The following ATRNL1 variants were observed in gnomAD, a reference collection of about 807,000 sequenced individuals.
ATRNL1 encodes the protein attractin-like protein 1.
A neutral mutation model predicts 182.7 loss-of-function variants in ATRNL1; 95 were observed. The observed-to-expected ratio is 0.52, with a 90% CI of 0.44 to 0.62. The LOEUF is 0.62. Ranked by LOEUF, ATRNL1 falls within the 20% of genes least tolerant of loss-of-function variation. The pLI is 0.00. For missense variants in ATRNL1, 1,471 were observed against 1,679.5 expected, an observed-to-expected ratio of 0.88 and a Z score of 2.17; for synonymous variants, 576 against 568.3, an observed-to-expected ratio of 1.01 and a Z score of -0.19.
intron 26 of ATRNL1, among the ~76,000 whole-genome samples, chr10:115,595,817 A>C (rs1413383890): frequency 3.3e-5 from 5 of 152,186 alleles, no homozygotes; most frequent in Non-Finnish European, 7.3e-5. Flanking sequence ...ATTATAATGA[A>C]GCATTAGCGA....
intron 24 of ATRNL1, among the ~76,000 whole-genome samples, chr10:115,479,788 TA>T (rs369771422): frequency 6.6e-6 from 1 of 151,296 alleles, no homozygotes; most frequent in African/African-American, 2.4e-5. Flanking sequence ...ATCTTGATAA[TA>T]AAAAATAGAA....
intron 28 of ATRNL1, 151 bp from the exon 29 acceptor site, chr10:115,944,507 G>C (rs1953826679): frequency 1.9e-6 from 1 of 537,500 alleles, no homozygotes; most frequent in Non-Finnish European, 3.1e-6. Flanking sequence ...AAACATTTTA[G>C]GTAAAGGGCA....
At chr10:115,460,923 C>G (rs1367784962) in intron 21 of ATRNL1, among the ~76,000 whole-genome samples, 3 of 152,040 alleles carry the variant, frequency 2.0e-5, no homozygotes, top group Non-Finnish European at 4.4e-5. Context: ...AAAATTGGAA[C>G]TATGACCTAC....
intron 25 of ATRNL1, among the ~76,000 whole-genome samples, chr10:115,531,521 G>T (rs1189916365): frequency 2.5e-4 from 38 of 151,410 alleles, no homozygotes; most frequent in Non-Finnish European, 3.7e-4. Context: ...GTAGATTCTG[G>T]ATATTAGTCC....
At chr10:115,540,753 G>A (rs1307708209) in intron 25 of ATRNL1, among the ~76,000 whole-genome samples, 10 of 88,862 alleles carry the variant, frequency 1.1e-4, no homozygotes, top group South Asian at 3.6e-4. Flanking sequence ...GCAAAACTCC[G>A]TCTAAAAAAA....
chr10:115,209,325 T>C (rs1848927809), intron 8 of ATRNL1, among the ~76,000 whole-genome samples: 1 of 151,330 alleles, frequency 6.6e-6, no homozygotes. Context: ...GAGCCTACAC[T>C]TGTTTCTGTT....
At position 115,217,982 on chromosome 10, in the gene ATRNL1, G is replaced by T. The variant is rs1277197322; in HGVS notation, c.1532+2102G>T. ...GTGGTCCCCAACCTTTTTGGCACCA[G>T]GGACTGGTTTTGTGGAGACAGTTTT... On this transcript the variant is annotated intron_variant, in intron 9 of 28. Coordinates refer to ENST00000355044, the MANE Select transcript of ATRNL1 (RefSeq NM_207303.4). Among the ~76,000 whole-genome samples, 3 of 152,164 alleles carry T rather than the reference G, an allele frequency of 2.0e-5. No homozygotes were observed. The East Asian group carries it at 5.8e-4, about 29-fold the overall frequency.
At position 115,745,130 on chromosome 10, in the gene ATRNL1, A is replaced by AT. The variant is rs564499651; in HGVS notation, c.3903+17775_3903+17776insT. ...TTTCCCAGAACATCATGAAAATGGA[A>AT]CTTTTTTTTTTTGTGACCGAGTCTC... On this transcript the variant is annotated intron_variant, in intron 27 of 28. Transcript: ENST00000355044. Among the ~76,000 whole-genome samples, 436 of 151,026 alleles carry AT rather than the reference A, an allele frequency of 2.9e-3. 2 individuals carry two copies. The highest frequency in any genetic ancestry group is 9.9e-3 in the African/African-American group (409 of 41,286).
chr10:115,547,689 A>G (rs1852747119), intron 25 of ATRNL1, among the ~76,000 whole-genome samples: 1 of 152,192 alleles, frequency 6.6e-6, no homozygotes, highest in African/African-American at 2.4e-5. Flanking sequence ...TATTAAGGAA[A>G]ACAAAACAAA....
chr10:115,446,361 A>G (rs578194856), intron 21 of ATRNL1, among the ~76,000 whole-genome samples: 1 of 151,972 alleles, frequency 6.6e-6, no homozygotes, highest in Admixed American at 6.6e-5. Flanking sequence ...CCATTACATT[A>G]TTACTTTTTT....
At chr10:115,503,327 A>T (rs1217662785) in intron 24 of ATRNL1, among the ~76,000 whole-genome samples, 1 of 152,162 alleles carries the variant, frequency 6.6e-6, no homozygotes, top group Non-Finnish European at 1.5e-5. Flanking sequence ...CAATATTATG[A>T]TGGAAGAAAA....
At chr10:115,502,906 C>G (rs1021694525) in intron 24 of ATRNL1, among the ~76,000 whole-genome samples, 7 of 152,010 alleles carry the variant, frequency 4.6e-5, no homozygotes, top group Non-Finnish European at 8.8e-5. Context: ...AAAAAAAGGC[C>G]CTAACAGTCT....
chr10:115,177,925 T>TTTTTTTTTTTTTG (rs1847592952), intron 8 of ATRNL1, among the ~76,000 whole-genome samples: 4 of 24,720 alleles, frequency 1.6e-4, no homozygotes, highest in Non-Finnish European at 4.4e-4. Flanking sequence ...TTTTTTTTTG[T>TTTTTTTTTTTTTG]TTTTTTTTTT....
chr10:115,253,428 C>T (rs1452242306), intron 10 of ATRNL1, among the ~76,000 whole-genome samples: 1 of 152,112 alleles, frequency 6.6e-6, no homozygotes, highest in Non-Finnish European at 1.5e-5. Context: ...GCAACTGACT[C>T]TTCACTGACA....
In ATRNL1 at chr10:115,276,516, G is replaced by T. The variant is rs139200033; in HGVS notation, c.2101-4839G>T. On this transcript the variant is annotated intron_variant, in intron 13 of 28. Transcript: ENST00000355044. ...GTAAGAGAGCAGATGGTACTCACTT[G>T]TAATTTAGAATTTGATGTAATGTGT... 2.1e-3 allele frequency among the ~76,000 whole-genome samples: 320 copies of T among 152,284 alleles called. 1 individual carries two copies. The highest frequency in any genetic ancestry group is 7.1e-3 in the African/African-American group (297 of 41,576).
intron 24 of ATRNL1, among the ~76,000 whole-genome samples, chr10:115,473,566 T>C (rs191674170): frequency 6.6e-6 from 1 of 151,384 alleles, no homozygotes; most frequent in Admixed American, 6.6e-5. Context: ...CTGACTTGGG[T>C]GTCAGGGAAA....
intron 10 of ATRNL1, among the ~76,000 whole-genome samples, chr10:115,254,475 A>G (rs1554906224): frequency 6.6e-6 from 1 of 151,770 alleles, no homozygotes; most frequent in African/African-American, 2.4e-5. Context: ...CCACTTTTTG[A>G]TGGGGTTGTT....
At chr10:115,943,686 G>A (rs928220625) in intron 28 of ATRNL1, among the ~76,000 whole-genome samples, 1 of 150,052 alleles carries the variant, frequency 6.7e-6, no homozygotes, top group East Asian at 2.0e-4. Context: ...AGGTACTTAT[G>A]AATTGAAATG....
chr10:115,386,505 C>T (rs1378524844), intron 19 of ATRNL1, among the ~76,000 whole-genome samples: 2 of 152,018 alleles, frequency 1.3e-5, no homozygotes, highest in Non-Finnish European at 2.9e-5. Flanking sequence ...GTTGTGACTG[C>T]CTTGATCAGC....
Sources: allele counts gnomAD v4.1 joint callset (sites outside exome capture counted in the v4.1 genomes callset), GRCh38; gene constraint gnomAD v4.1.1; transcripts MANE v1.5; gene names NCBI Gene and HGNC (gene_info 2026-07-23, HGNC 2026-07-21).